The following TRAPPC9 variants were observed in gnomAD, a reference collection of about 807,000 sequenced individuals.
TRAPPC9 encodes the protein trafficking protein particle complex subunit 9.
In TRAPPC9, 83 loss-of-function variants were observed where a neutral mutation model predicts 124.0. The observed-to-expected ratio is 0.67, with a 90% CI of 0.56 to 0.80. TRAPPC9 has a LOEUF of 0.80. Among genes scored for constraint, TRAPPC9 ranks in the 30% least tolerant of loss-of-function variants. TRAPPC9 has a pLI of 0.00. For synonymous variants in TRAPPC9, 638 were observed against 617.5 expected (o/e 1.03, Z -0.49); for missense variants, 1,302 against 1,508.3 (o/e 0.86, Z 2.27).
At chr8:140,394,105 T>G (rs549417738) in intron 7 of TRAPPC9, among the ~76,000 whole-genome samples, 9 of 152,360 alleles carry the variant, frequency 5.9e-5, no homozygotes, top group African/African-American at 2.2e-4. Context: ...ACATTTTATT[T>G]TATGAAATGT....
chr8:139,794,714 G>T lies in TRAPPC9; in HGVS notation c.3056-62512C>A, dbSNP rs73725011. ...CCAGTGCTTCTGCCTGGGAGTTCTT[G>T]GTGCCTGAGGCTATGCTGGTCCCTG... is the stretch of plus-strand genomic sequence containing the variant. On this transcript the variant is annotated intron_variant, in intron 21 of 22. Transcript: ENST00000438773. Among the ~76,000 whole-genome samples the T allele has an allele frequency of 9.7e-3, 1,473 of 152,284 alleles. 30 individuals are homozygous for T. The highest frequency in any genetic ancestry group is 0.034 in the African/African-American group (1,402 of 41,556).
At chr8:139,838,757 C>G (rs1393591384) in intron 21 of TRAPPC9, among the ~76,000 whole-genome samples, 3 of 152,206 alleles carry the variant, frequency 2.0e-5, no homozygotes, top group African/African-American at 7.2e-5. Context: ...AGGTATTTTT[C>G]TGGCTGCCTC....
intron 7 of TRAPPC9, among the ~76,000 whole-genome samples, chr8:140,396,235 A>G (rs1303537133): frequency 7.1e-6 from 1 of 141,278 alleles, no homozygotes; most frequent in Non-Finnish European, 1.5e-5. Context: ...TCTGCCTCCC[A>G]GGTTCACGCC....
At chr8:139,947,907 T>TATATATATAGAGAGAGAGAGAGAG in intron 19 of TRAPPC9, among the ~76,000 whole-genome samples, 1 of 60,364 alleles carries the variant, frequency 1.7e-5, no homozygotes, top group Non-Finnish European at 3.3e-5. Context: ...TATATATATA[T>TATATATATAGAGAGAGAGAGAGAG]AGAGAGAGAG....
chr8:140,137,784 T>C (rs34371351), intron 17 of TRAPPC9, among the ~76,000 whole-genome samples: 27,471 of 152,280 alleles, frequency 0.18, 3,067 homozygotes, highest in Admixed American at 0.25. Context: ...GGGGATATCA[T>C]GAATTTTGTC....
At chr8:139,785,712 G>C (rs904358719) in intron 21 of TRAPPC9, among the ~76,000 whole-genome samples, 1 of 149,560 alleles carries the variant, frequency 6.7e-6, no homozygotes, top group African/African-American at 2.5e-5. Flanking sequence ...CTGGGCAACA[G>C]AGCAAGACTC....
At chr8:139,751,314 G>A (rs1440030971) in intron 21 of TRAPPC9, among the ~76,000 whole-genome samples, 1 of 152,154 alleles carries the variant, frequency 6.6e-6, no homozygotes, top group Non-Finnish European at 1.5e-5. Flanking sequence ...ATGCCCAGGG[G>A]CCAGGCCCAC....
At chr8:139,826,348 G>A (rs1474042463) in intron 21 of TRAPPC9, among the ~76,000 whole-genome samples, 2 of 152,308 alleles carry the variant, frequency 1.3e-5, no homozygotes, top group South Asian at 4.2e-4. Context: ...AGACAGTGTG[G>A]GCCAGACAAG....
chr8:139,733,251 G>A (rs996895400), intron 21 of TRAPPC9, among the ~76,000 whole-genome samples: 6 of 152,090 alleles, frequency 3.9e-5, no homozygotes, highest in Non-Finnish European at 8.8e-5. Flanking sequence ...TAGAGGATAC[G>A]GGCAGGAGCC....
intron 8 of TRAPPC9, among the ~76,000 whole-genome samples, chr8:140,365,902 C>G (rs764040086): frequency 6.6e-5 from 10 of 152,164 alleles, no homozygotes; most frequent in Non-Finnish European, 1.2e-4. Context: ...AGTTATTTTT[C>G]CTGATCCTCT....
At chr8:140,037,637 C>A (rs940973204) in intron 17 of TRAPPC9, among the ~76,000 whole-genome samples, 4 of 149,766 alleles carry the variant, frequency 2.7e-5, no homozygotes, top group African/African-American at 9.8e-5. Flanking sequence ...TACACACACA[C>A]AAAACACACA....
intron 19 of TRAPPC9, among the ~76,000 whole-genome samples, chr8:139,954,853 C>T (rs1033408144): frequency 4.6e-5 from 7 of 151,290 alleles, no homozygotes; most frequent in Admixed American, 6.6e-5. Flanking sequence ...TATACACAGG[C>T]ATGTTAAAAT....
At chr8:140,317,781 C>A (rs895742648) in intron 9 of TRAPPC9, among the ~76,000 whole-genome samples, 2 of 152,126 alleles carry the variant, frequency 1.3e-5, no homozygotes, top group African/African-American at 4.8e-5. Flanking sequence ...ACTATAAAAT[C>A]TTTAAGGCAA....
At chr8:140,035,770 G>A (rs566090396) in intron 17 of TRAPPC9, among the ~76,000 whole-genome samples, 16 of 152,284 alleles carry the variant, frequency 1.1e-4, no homozygotes, top group African/African-American at 2.2e-4. Context: ...TGACTTCACC[G>A]GGAATCGGCC....
At chr8:139,954,139 G>A (rs1371698042) in intron 19 of TRAPPC9, among the ~76,000 whole-genome samples, 2 of 152,200 alleles carry the variant, frequency 1.3e-5, no homozygotes, top group African/African-American at 4.8e-5. Flanking sequence ...GACTGCGCCA[G>A]GGGTAGGGAG....
intron 9 of TRAPPC9, among the ~76,000 whole-genome samples, chr8:140,349,788 G>C (rs2067492061): frequency 6.6e-6 from 1 of 152,228 alleles, no homozygotes; most frequent in Admixed American, 6.5e-5. Context: ...ACCAAGAATA[G>C]GGGCGGGAAT....
Position 139,901,513 on chromosome 8 carries a change from G to A in TRAPPC9, c.2964+8634C>T, listed in dbSNP as rs998547861. ...GACAGAAGATGTCACACAGTGGGAC[G>A]CGCTGCCAAGGGGAGAGGTCTGCAA... On this transcript the variant is annotated intron_variant, in intron 20 of 22. Transcript: ENST00000438773. Among the ~76,000 whole-genome samples the A allele has an allele frequency of 5.9e-5, 9 of 152,158 alleles. 1 individual carries two copies. Among genetic ancestry groups the A allele is most frequent in the Admixed American group, 3.9e-4 (6 of 15,290 alleles).
intron 17 of TRAPPC9, among the ~76,000 whole-genome samples, chr8:140,188,341 C>A (rs2062397465): frequency 1.3e-5 from 2 of 152,278 alleles, no homozygotes; most frequent in African/African-American, 2.4e-5. Flanking sequence ...TGAATAAAAA[C>A]CCGTGAATGA....
intron 4 of TRAPPC9, among the ~76,000 whole-genome samples, chr8:140,434,712 T>C (rs922203128): frequency 1.6e-4 from 24 of 152,192 alleles, no homozygotes; most frequent in African/African-American, 5.8e-4. Context: ...GGCTCACGCC[T>C]GTAATCCCAG....
Sources: gnomAD v4.1 joint callset for allele counts (sites outside exome capture counted in the v4.1 genomes callset) on GRCh38, gnomAD v4.1.1 for gene constraint, MANE v1.5 for transcripts, NCBI Gene and HGNC (gene_info 2026-07-23, HGNC 2026-07-21) for gene names.